The following BDH1 variants were observed in gnomAD, a reference collection of about 807,000 sequenced individuals.
BDH1 encodes the protein D-beta-hydroxybutyrate dehydrogenase, mitochondrial.
A neutral mutation model predicts 33.1 loss-of-function variants in BDH1; 30 were observed. The ratio of observed to expected loss-of-function variants is 0.91; its 90% CI spans 0.68 to 1.23. BDH1 has a LOEUF of 1.23. BDH1 is among the 50% of genes most tolerant of loss of function. The pLI is 0.00. For missense variants in BDH1, 443 were observed against 464.4 expected (o/e 0.95, Z 0.42); for synonymous variants, 190 against 183.6 (o/e 1.03, Z -0.28).
rs1433982866 is a variant in BDH1 at position 197,554,849 on chromosome 3, A to C, written c.-195-136T>G. Reference sequence around the variant, plus strand: ...GCCTGGGCCGCTAGGGACCGACCGGAGCGCTCAAACCCACAGGGTATCTAT... The same window carrying C: ...GCCTGGGCCGCTAGGGACCGACCGGCGCGCTCAAACCCACAGGGTATCTAT... On this transcript the variant is annotated intron_variant, in intron 1 of 7. Coordinates refer to ENST00000392379, the MANE Select transcript of BDH1 (RefSeq NM_203314.3). This position sits in a 1 kb window ranked among gnomAD's most constrained non-coding sequence, Gnocchi z 4.4. 1 of 152,222 alleles carries C rather than the reference A, an allele frequency of 6.6e-6. No individual in the cohort carries two copies. The highest frequency in any genetic ancestry group is 6.5e-5 in the Admixed American group (1 of 15,292). The allele number at this position is 152,222 out of a possible 1,614,324, so 9.4% of individuals were successfully genotyped here.
chr3:197,558,506 C>T (rs1717151034), upstream of BDH1, among the ~76,000 whole-genome samples: 1 of 152,140 alleles, frequency 6.6e-6, no homozygotes, highest in African/African-American at 2.4e-5. Flanking sequence ...ATGCCATTCT[C>T]TTTCCCTCCT....
chr3:197,532,300 C>A, intron 5 of BDH1, 112 bp downstream of exon 5: 1 of 806,148 alleles, frequency 1.2e-6, no homozygotes, highest in East Asian at 2.7e-5. Flanking sequence ...GGAAAATGGA[C>A]AGGCTGGTTT....
At chr3:197,518,422 C>A (rs1287300954) in intron 6 of BDH1, among the ~76,000 whole-genome samples, 1 of 33,132 alleles carries the variant, frequency 3.0e-5, no homozygotes, top group Non-Finnish European at 5.8e-5. Context: ...CTCAGGCCGA[C>A]CTCCCCGATC....
chr3:197,551,373 TC>T (rs1716553051), intron 2 of BDH1, among the ~76,000 whole-genome samples: 1 of 152,242 alleles, frequency 6.6e-6, no homozygotes, highest in African/African-American at 2.4e-5. Context: ...GACCTCCAGT[TC>T]CATCCACGTT....
rs1713829581 is a variant in BDH1 at position 197,523,961 on chromosome 3, C to T, written c.268-1180G>A. ...TCTGCTTGTGGGCACTGCCGAGCTG[C>T]TGGGGGGCTTTCCTCTAAGTAGACA... On this transcript the variant is annotated intron_variant, in intron 5 of 7. Transcript: ENST00000392379. This position sits in a 1 kb window ranked among gnomAD's most constrained non-coding sequence, Gnocchi z 4.5. Among the ~76,000 whole-genome samples, 1 of 152,130 alleles carries T rather than the reference C, an allele frequency of 6.6e-6. No individual in the cohort carries two copies. Among genetic ancestry groups the T allele is most frequent in the African/African-American group, 2.4e-5 (1 of 41,428 alleles).
rs1443145451 is a variant in BDH1 at position 197,511,240 on chromosome 3, C to G, written c.*655G>C. Reference sequence around the variant, plus strand: ...AGACTGTGTCTGGAAAAACAAAAATCTCCAGAAACATTCCCACCCCCTCCA... The same window carrying G: ...AGACTGTGTCTGGAAAAACAAAAATGTCCAGAAACATTCCCACCCCCTCCA... On this transcript the variant is annotated 3_prime_UTR_variant, in exon 8 of 8. Coordinates refer to ENST00000392379, the MANE Select transcript of BDH1 (RefSeq NM_203314.3). 6.6e-6 allele frequency: 1 copy of G among 152,236 alleles called. No individual in the cohort carries two copies. The highest frequency in any genetic ancestry group is 2.4e-5 in the African/African-American group (1 of 41,426). The allele number at this position is 152,236 out of a possible 1,614,324, so 9.4% of individuals were successfully genotyped here.
rs1175831362 is a variant in BDH1, at chr3:197,526,768, G to A, written c.268-3987C>T. Among the ~76,000 whole-genome samples, 1 of 152,216 alleles carries A rather than the reference G, an allele frequency of 6.6e-6. No homozygotes were observed. The highest frequency in any genetic ancestry group is 1.5e-5 in the Non-Finnish European group (1 of 68,046). On this transcript the variant is annotated intron_variant, in intron 5 of 7. Transcript: ENST00000392379. This position sits in a 1 kb window ranked among gnomAD's most constrained non-coding sequence, Gnocchi z 4.7. ...CTCTCCGTGCTCCGCTCCCAGACGA[G>A]CCACTCCTGTCTCAATCTCGGGCCT...
intron 3 of BDH1, among the ~76,000 whole-genome samples, chr3:197,540,059 C>A (rs1221801791): frequency 2.0e-5 from 3 of 148,720 alleles, no homozygotes; most frequent in African/African-American, 7.4e-5. Context: ...ACCCTTAGCA[C>A]TTTTTTTTTT....
intron 5 of BDH1, among the ~76,000 whole-genome samples, chr3:197,527,353 A>G (rs1338760683): frequency 2.0e-5 from 3 of 152,182 alleles, no homozygotes; most frequent in Non-Finnish European, 4.4e-5. Flanking sequence ...AGAAGTGGCC[A>G]ATGGATTTGG....
chr3:197,524,711 G>C (rs768480917), intron 5 of BDH1, among the ~76,000 whole-genome samples: 1 of 151,990 alleles, frequency 6.6e-6, no homozygotes. Context: ...GAGTTGGGGT[G>C]GGGGGTTGTT....
chr3:197,559,288 C>T (rs1186854903), upstream of BDH1, among the ~76,000 whole-genome samples: 1 of 152,148 alleles, frequency 6.6e-6, no homozygotes, highest in Admixed American at 6.5e-5. Context: ...GCATGAGCCA[C>T]CATGCTCAGC....
intron 1 of BDH1, among the ~76,000 whole-genome samples, chr3:197,564,475 G>A (rs1717369004): frequency 6.6e-6 from 1 of 151,990 alleles, no homozygotes; most frequent in Non-Finnish European, 1.5e-5. Context: ...TAGTTACAGG[G>A]CTTTGACTCC....
At chr3:197,561,798 C>A (rs554927507) in intron 1 of BDH1, among the ~76,000 whole-genome samples, 4 of 152,178 alleles carry the variant, frequency 2.6e-5, no homozygotes, top group African/African-American at 9.6e-5. Context: ...ACAACAACAA[C>A]AACAAAAACA....
In BDH1 at chr3:197,528,303, A is replaced by AGTGTGTGTGTGT. The variant is rs4024114; in HGVS notation, c.267+4097_267+4108dup. The AGTGTGTGTGTGT allele has an allele frequency of 1.5e-5, 2 of 132,420 alleles. No homozygotes were observed. Among genetic ancestry groups the AGTGTGTGTGTGT allele is most frequent in the African/African-American group, 5.1e-5 (2 of 39,118 alleles). 8.2% of individuals were successfully genotyped at this position (132,420 alleles called of 1,614,324 possible). A position where few individuals can be genotyped will look rare whatever the true frequency, so the allele number is the denominator to read the frequency against. On this transcript the variant is annotated intron_variant, in intron 5 of 7. Transcript: ENST00000392379. This position sits in a 1 kb window ranked among gnomAD's most constrained non-coding sequence, Gnocchi z 5.1. ...GTAGGTCTGTATGAGTGAGTGAGTG[A>AGTGTGTGTGTGT]GTGTGTGTGTGTGTGTGTGTGTGTG... is the stretch of plus-strand genomic sequence containing the variant.
chr3:197,569,894 A>G (rs562829163), intron 1 of BDH1, among the ~76,000 whole-genome samples: 356 of 152,348 alleles, frequency 2.3e-3, no homozygotes, highest in Middle Eastern at 6.8e-3. Context: ...GAAAATGTGG[A>G]AGCAACTTTG....
chr3:197,537,469 T>C (rs1715255059), intron 3 of BDH1, among the ~76,000 whole-genome samples: 1 of 152,222 alleles, frequency 6.6e-6, no homozygotes, highest in Admixed American at 6.5e-5. Flanking sequence ...TCTGCAAATA[T>C]GGGGTCTTAT....
chr3:197,531,255 G>A (rs1714615461), intron 5 of BDH1, among the ~76,000 whole-genome samples: 1 of 151,700 alleles, frequency 6.6e-6, no homozygotes, highest in African/African-American at 2.4e-5. Flanking sequence ...AATTAGGTGG[G>A]CATGGTGGCT....
upstream of BDH1, chr3:197,556,102 C>CCG (rs1290166357): frequency 6.6e-6 from 1 of 152,200 alleles, no homozygotes; most frequent in African/African-American, 2.4e-5. Flanking sequence ...GATCGCTAGG[C>CCG]TCCCGGTGCG....
chr3:197,562,494 C>T (rs564204823), intron 1 of BDH1, among the ~76,000 whole-genome samples: 2 of 152,294 alleles, frequency 1.3e-5, no homozygotes, highest in South Asian at 2.1e-4. Context: ...GGGGAGTTGA[C>T]CCCCTGCAAC....
Sources: allele counts gnomAD v4.1 joint callset (sites outside exome capture counted in the v4.1 genomes callset), GRCh38; gene constraint gnomAD v4.1.1; non-coding constraint Gnocchi (gnomAD v3.1); transcripts MANE v1.5; gene names NCBI Gene and HGNC (gene_info 2026-07-23, HGNC 2026-07-21).